Variants in ZFP64 observed in about 807,000 individuals in gnomAD.
The protein encoded by ZFP64 is ZFP64 zinc finger protein, also known as zinc finger protein 64.
A neutral mutation model predicts 51.6 loss-of-function variants in ZFP64; 14 were observed. The observed-to-expected ratio is 0.27, with a 90% CI of 0.18 to 0.42. The LOEUF is 0.42. ZFP64 is among the 10% of genes least tolerant of loss of function. The pLI, the probability that ZFP64 is intolerant of heterozygous loss-of-function variation, is 1.00. For missense variants in ZFP64, 754 were observed against 906.8 expected, an observed-to-expected ratio of 0.83 and a Z score of 2.16; for synonymous variants, 375 against 361.4, an observed-to-expected ratio of 1.04 and a Z score of -0.43.
intron 5 of ZFP64, among the ~76,000 whole-genome samples, chr20:52,135,055 G>A (rs1164508884): frequency 6.6e-6 from 1 of 151,968 alleles, no homozygotes; most frequent in East Asian, 1.9e-4. Flanking sequence ...CTAGAGACAG[G>A]GTTTCACCAT....
At chr20:52,166,140 T>G in intron 2 of ZFP64, 115 bp from the exon 3 acceptor site, 1 of 1,090,686 alleles carries the variant, frequency 9.2e-7, no homozygotes, top group South Asian at 1.7e-5. Flanking sequence ...CCAGCCTCCC[T>G]TGCGGCTTCA....
intron 5 of ZFP64, among the ~76,000 whole-genome samples, chr20:52,112,131 C>T (rs996488114): frequency 2.0e-5 from 3 of 151,196 alleles, no homozygotes; most frequent in African/African-American, 7.3e-5. Flanking sequence ...CAGCTCCTGG[C>T]TCTGTTCACA....
At chr20:52,126,908 G>T (rs983824856) in intron 5 of ZFP64, among the ~76,000 whole-genome samples, 10 of 136,594 alleles carry the variant, frequency 7.3e-5, no homozygotes, top group African/African-American at 1.6e-4. Context: ...TCAGTGGAAA[G>T]AATTTTTTTT....
At position 52,153,116 on chromosome 20, in the gene ZFP64, C is replaced by A. The variant is rs760631654; in HGVS notation, c.1076G>T (p.Arg359Leu). 3.7e-6 allele frequency: 6 copies of A among 1,614,076 alleles called. No individual in the cohort carries two copies. The highest frequency in any genetic ancestry group is 4.2e-6 in the Non-Finnish European group (5 of 1,180,056). Residue 359 changes from arginine to leucine, a missense_variant, in exon 6 of 6, where the codon CGC (arginine) becomes CTC (leucine). Arg to Leu is a moderately radical substitution (Grantham distance 102). Coordinates refer to ENST00000216923, the MANE Select transcript of ZFP64 (RefSeq NM_018197.3). The surrounding 1 kb of genome is among the most constrained non-coding windows in gnomAD (Gnocchi z 5.1). Reference protein sequence around the residue: ...SYSCSSKAALRIHERIHCTDR... With the variant: ...SYSCSSKAALLIHERIHCTDR... ...GGTGCAGTGGATACGCTCGTGGATG[C>A]GCAGGGCGGCCTTGCTGGAGCAGGA...
At chr20:52,108,858 T>A (rs1978393349) in intron 5 of ZFP64, among the ~76,000 whole-genome samples, 1 of 103,516 alleles carries the variant, frequency 9.7e-6, no homozygotes, top group East Asian at 2.6e-4. Context: ...ATTGAAAATC[T>A]GAAACACACA....
chr20:52,110,438 T>G, intron 5 of ZFP64: 2 of 616,568 alleles, frequency 3.2e-6, no homozygotes, highest in Non-Finnish European at 5.9e-6. Flanking sequence ...ACTCAACTTG[T>G]TCTCAATCAG....
intron 5 of ZFP64, among the ~76,000 whole-genome samples, chr20:52,142,373 CACAG>C (rs1555804608): frequency 5.4e-5 from 7 of 129,012 alleles, no homozygotes; most frequent in East Asian, 5.1e-4. Context: ...ATCACACACA[CACAG>C]ACACACACAC....
chr20:52,167,341 T>A (rs116660255), intron 2 of ZFP64, among the ~76,000 whole-genome samples: 3 of 151,684 alleles, frequency 2.0e-5, no homozygotes, highest in Admixed American at 1.3e-4. Flanking sequence ...AAATAAAAAA[T>A]AAATAAAAAT....
At chr20:52,105,179 G>A in intron 5 of ZFP64, 1 of 1,434,776 alleles carries the variant, frequency 7.0e-7, no homozygotes, top group South Asian at 1.6e-5. Context: ...CTCCCGGCGC[G>A]CAGGCCGCGG....
intron 5 of ZFP64, among the ~76,000 whole-genome samples, chr20:52,129,923 A>G (rs1005225229): frequency 1.2e-4 from 18 of 152,144 alleles, no homozygotes; most frequent in African/African-American, 4.3e-4. Context: ...ATAATAAAAC[A>G]TGTCAGACAC....
At chr20:52,121,193 T>G (rs960399344) in intron 5 of ZFP64, among the ~76,000 whole-genome samples, 2 of 152,062 alleles carry the variant, frequency 1.3e-5, no homozygotes, top group Non-Finnish European at 2.9e-5. Flanking sequence ...GACCTATAAG[T>G]GTTCATGTGA....
chr20:52,111,453 G>A (rs1209782450), intron 5 of ZFP64, among the ~76,000 whole-genome samples: 1 of 152,030 alleles, frequency 6.6e-6, no homozygotes, highest in African/African-American at 2.4e-5. Context: ...AACCTCAGGT[G>A]ATCTGCCTGC....
At position 52,153,124 on chromosome 20, in the gene ZFP64, G is replaced by T. The variant is rs568381070; in HGVS notation, c.1068C>A (p.Ala356=). ...SECSYSCSSK[A]ALRIHERIHC... Reference sequence around the variant, plus strand: ...GGATACGCTCGTGGATGCGCAGGGCGGCCTTGCTGGAGCAGGAGTAGCTGC... The same window carrying T: ...GGATACGCTCGTGGATGCGCAGGGCTGCCTTGCTGGAGCAGGAGTAGCTGC... Residue 356 remains alanine, a synonymous_variant, in exon 6 of 6, where the codon GCC becomes GCA. Transcript: ENST00000216923. The surrounding 1 kb of genome is among the most constrained non-coding windows in gnomAD (Gnocchi z 5.1). 6.2e-6 allele frequency: 10 copies of T among 1,614,206 alleles called. No homozygotes were observed. The South Asian group carries it at 1.1e-4, about 18-fold the overall frequency.
At chr20:52,175,998 G>A in intron 2 of ZFP64, 21 of 985,208 alleles carry the variant, frequency 2.1e-5, no homozygotes, top group Non-Finnish European at 2.5e-5. Flanking sequence ...CCAGGGGTGA[G>A]TGGCGCTGCC....
At chr20:52,120,212 C>G (rs1469979935) in intron 5 of ZFP64, among the ~76,000 whole-genome samples, 3 of 152,160 alleles carry the variant, frequency 2.0e-5, no homozygotes, top group Non-Finnish European at 4.4e-5. Context: ...TTTCCAGCCT[C>G]TAGAACTGCA....
At chr20:52,162,354 C>T (rs1320969468) in intron 4 of ZFP64, among the ~76,000 whole-genome samples, 1 of 151,168 alleles carries the variant, frequency 6.6e-6, no homozygotes, top group East Asian at 1.9e-4. Flanking sequence ...AGGCTGGGCG[C>T]GGTAGCTCAC....
intron 5 of ZFP64, chr20:52,111,134 CGCCG>C: frequency 1.4e-6 from 1 of 731,186 alleles, no homozygotes; most frequent in East Asian, 2.7e-5. Context: ...GCAGCCACAT[CGCCG>C]GGTTCCGCGA....
At chr20:52,187,821 A>T (rs1463185032) in intron 1 of ZFP64, among the ~76,000 whole-genome samples, 1 of 152,168 alleles carries the variant, frequency 6.6e-6, no homozygotes, top group East Asian at 1.9e-4. Flanking sequence ...CTTTTATCAA[A>T]GATAAAAGGG....
At chr20:52,179,874 A>T (rs1440075705) in intron 2 of ZFP64, among the ~76,000 whole-genome samples, 1 of 152,228 alleles carries the variant, frequency 6.6e-6, no homozygotes, top group East Asian at 1.9e-4. Context: ...TTGTTATTTT[A>T]AAAAATATTA....
Sources: gnomAD v4.1 joint callset for allele counts (sites outside exome capture counted in the v4.1 genomes callset) on GRCh38, gnomAD v4.1.1 for gene constraint, Gnocchi (gnomAD v3.1) non-coding constraint, MANE v1.5 for transcripts, NCBI Gene and HGNC (gene_info 2026-07-23, HGNC 2026-07-21) for gene names.